Variants in KIAA1217 observed in about 807,000 individuals in gnomAD.
The protein encoded by KIAA1217 is KIAA1217.
In KIAA1217, 88 loss-of-function variants were observed where a neutral mutation model predicts 163.9. That is an observed-to-expected ratio of 0.54 (90% CI 0.45 to 0.64). The LOEUF (loss-of-function observed/expected upper bound fraction) is 0.64, where lower values mean the gene tolerates loss of function less well. Among genes scored for constraint, KIAA1217 ranks in the 30% least tolerant of loss-of-function variants. The pLI, the probability that KIAA1217 is intolerant of heterozygous loss-of-function variation, is 0.00. For synonymous variants in KIAA1217, 903 were observed against 923.1 expected (o/e 0.98, Z 0.39); for missense variants, 2,372 against 2,475.0 (o/e 0.96, Z 0.88).
chr10:24,217,031 CAA>C (rs60303909), intron 1 of KIAA1217, among the ~76,000 whole-genome samples: 114 of 21,272 alleles, frequency 5.4e-3, no homozygotes, highest in Non-Finnish European at 5.5e-3. Flanking sequence ...GACCTTGTCT[CAA>C]AAAAAAAAAA....
chr10:23,727,606 T>C (rs1382858980), intron 1 of KIAA1217, among the ~76,000 whole-genome samples: 1 of 152,102 alleles, frequency 6.6e-6, no homozygotes, highest in African/African-American at 2.4e-5. Context: ...CATAGTTATA[T>C]TTTTTTCATT....
intron 3 of KIAA1217, among the ~76,000 whole-genome samples, chr10:24,421,003 T>G (rs7098670): frequency 2.9e-5 from 4 of 136,378 alleles, no homozygotes; most frequent in Middle Eastern, 7.9e-3. Context: ...GTTTGTTTGT[T>G]TGTTTGTTTG....
intron 1 of KIAA1217, among the ~76,000 whole-genome samples, chr10:24,212,987 A>T (rs2068343751): frequency 6.6e-6 from 1 of 152,134 alleles, no homozygotes; most frequent in Non-Finnish European, 1.5e-5. Context: ...CATGTAACTT[A>T]CTGTCCAAAT....
At chr10:23,890,794 T>A (rs926683256) in intron 1 of KIAA1217, among the ~76,000 whole-genome samples, 10 of 152,036 alleles carry the variant, frequency 6.6e-5, no homozygotes, top group African/African-American at 2.4e-4. Flanking sequence ...ATCTTCTGTA[T>A]CCTTACTGAT....
intron 2 of KIAA1217, among the ~76,000 whole-genome samples, chr10:24,031,585 C>T (rs10828589): frequency 0.2 from 30,913 of 152,180 alleles, 3,704 homozygotes; most frequent in Middle Eastern, 0.38. Flanking sequence ...CAGGCTCACA[C>T]CACTATGCCC....
intron 1 of KIAA1217, among the ~76,000 whole-genome samples, chr10:23,989,850 C>T (rs1327333614): frequency 6.6e-6 from 1 of 152,208 alleles, no homozygotes; most frequent in African/African-American, 2.4e-5. Flanking sequence ...TTCTACTGCA[C>T]ACACTAGTGA....
At chr10:24,159,756 C>A (rs1448005155) in intron 2 of KIAA1217, among the ~76,000 whole-genome samples, 2 of 151,864 alleles carry the variant, frequency 1.3e-5, no homozygotes, top group African/African-American at 4.8e-5. Flanking sequence ...GCGCTCCAGC[C>A]TGGGCGACAG....
chr10:23,875,676 T>A (rs1269156313), intron 1 of KIAA1217, among the ~76,000 whole-genome samples: 2 of 152,014 alleles, frequency 1.3e-5, no homozygotes, highest in African/African-American at 4.8e-5. Context: ...CTATTCACAA[T>A]AGCAAAGACT....
At position 24,143,814 on chromosome 10, in the gene KIAA1217, TA is replaced by T. The variant is rs575283020; in HGVS notation, c.-170-75798del. 8.7e-3 allele frequency among the ~76,000 whole-genome samples: 1,107 copies of T among 127,814 alleles called. 9 individuals carry two copies. Among genetic ancestry groups the T allele is most frequent in the African/African-American group, 0.019 (672 of 35,066 alleles). 83.9% of individuals were successfully genotyped at this position (127,814 alleles called of 152,430 possible). ...CTTTTGACTGGGGCTCATTCCTGAT[TA>T]AAAAAAAAAAAAACAAAAACAAAAA... On this transcript the variant is annotated intron_variant, in intron 2 of 18. Transcript: ENST00000376462.
At chr10:24,438,834 A>T (rs1341693150) in intron 5 of KIAA1217, among the ~76,000 whole-genome samples, 1 of 152,220 alleles carries the variant, frequency 6.6e-6, no homozygotes, top group East Asian at 1.9e-4. Context: ...CAAACCTAAC[A>T]TACAAAAAGG....
chr10:23,960,074 C>T (rs955495681), intron 1 of KIAA1217, among the ~76,000 whole-genome samples: 3 of 151,796 alleles, frequency 2.0e-5, no homozygotes, highest in Non-Finnish European at 4.4e-5. Flanking sequence ...TGCCACCACG[C>T]CCGGCTAATT....
At chr10:23,961,866 G>A (rs948281096) in intron 1 of KIAA1217, among the ~76,000 whole-genome samples, 9 of 152,080 alleles carry the variant, frequency 5.9e-5, no homozygotes, top group Non-Finnish European at 7.4e-5. Flanking sequence ...GCAGGTGCTC[G>A]TCATCTCCCT....
chr10:24,471,456 A>G (rs1330455837), intron 5 of KIAA1217, among the ~76,000 whole-genome samples: 2 of 151,000 alleles, frequency 1.3e-5, no homozygotes, highest in Non-Finnish European at 2.9e-5. Flanking sequence ...ATATGAAATC[A>G]TCATATCCTG....
intron 5 of KIAA1217, among the ~76,000 whole-genome samples, chr10:24,459,551 A>C (rs1484817674): frequency 6.6e-6 from 1 of 152,142 alleles, no homozygotes. Flanking sequence ...TACTCTGTAA[A>C]TATATGGACC....
At chr10:24,087,908 C>CCTGGCTAGCCAGTTT (rs1564685396) in intron 2 of KIAA1217, among the ~76,000 whole-genome samples, 7 of 132,270 alleles carry the variant, frequency 5.3e-5, no homozygotes, top group South Asian at 2.4e-4. Context: ...CAGATCAGAG[C>CCTGGCTAGCCAGTTT]TGTGGTGGCC....
intron 2 of KIAA1217, among the ~76,000 whole-genome samples, chr10:24,176,972 T>C (rs1178718415): frequency 6.6e-6 from 1 of 151,992 alleles, no homozygotes; most frequent in Non-Finnish European, 1.5e-5. Flanking sequence ...GCCCGGGTGC[T>C]AAGTCCCTCA....
chr10:24,092,913 GTGTGTGTGTGTGTGT>G (rs1231308720), intron 2 of KIAA1217, among the ~76,000 whole-genome samples: 48 of 137,206 alleles, frequency 3.5e-4, no homozygotes, highest in African/African-American at 1.6e-3. Context: ...TAGTGTGTGT[GTGTGTGTGTGTGTGT>G]TGTGTGTGTG....
At chr10:23,944,010 T>A (rs944750262) in intron 1 of KIAA1217, among the ~76,000 whole-genome samples, 1 of 152,200 alleles carries the variant, frequency 6.6e-6, no homozygotes, top group African/African-American at 2.4e-5. Flanking sequence ...CTTACTAAAC[T>A]GGCTAAGCAA....
chr10:24,278,498 G>A (rs1479374392), intron 2 of KIAA1217, among the ~76,000 whole-genome samples: 2 of 152,186 alleles, frequency 1.3e-5, no homozygotes. Flanking sequence ...ATAATCTATC[G>A]AAAGCATGTG....
Sources: gnomAD v4.1 joint callset for allele counts (sites outside exome capture counted in the v4.1 genomes callset) on GRCh38, gnomAD v4.1.1 for gene constraint, MANE v1.5 for transcripts, NCBI Gene and HGNC (gene_info 2026-07-23, HGNC 2026-07-21) for gene names.